CD8A: variants seen among roughly 807,000 people sequenced by gnomAD.
The protein encoded by CD8A is T-cell surface glycoprotein CD8 alpha chain.
CD8A carries 25 observed loss-of-function variants against 24.2 expected under a neutral mutation model. The observed-to-expected ratio is 1.03, with a 90% CI of 0.75 to 1.44. CD8A has a LOEUF of 1.44. CD8A is among the 40% of genes most tolerant of loss of function. The probability of loss-of-function intolerance (pLI) is 0.00; values close to 1 mark genes in which losing one functional copy is unlikely to be tolerated. For missense variants in CD8A, 360 were observed against 319.7 expected, an observed-to-expected ratio of 1.13 and a Z score of -0.96; for synonymous variants, 165 against 149.9, an observed-to-expected ratio of 1.10 and a Z score of -0.74.
chr2:86,790,321 C>A lies in CD8A; in HGVS notation c.403+7G>T, dbSNP rs1673222471. 6.2e-7 allele frequency: 1 copy of A among 1,608,254 alleles called. No homozygotes were observed. Among genetic ancestry groups the A allele is most frequent in the Non-Finnish European group, 8.5e-7 (1 of 1,175,016 alleles). On this transcript the variant is annotated splice_region_variant and intron_variant, in intron 2 of 5. Transcript: ENST00000283635. The stretch of plus-strand genomic sequence containing the variant: ...CGCGGAGAGGTGCCGCAACCCGGCG[C>A]GCGGACCTGGCAGGAAGACCGGCAC...
upstream of CD8A, chr2:86,791,284 CTTT>C: frequency 5.5e-6 from 2 of 364,008 alleles, no homozygotes; most frequent in Non-Finnish European, 1.1e-5. Flanking sequence ...CACCTTGGGA[CTTT>C]TTATTGGCAA....
chr2:86,803,375 T>C lies in CD8A; in HGVS notation c.-417-1718A>G, dbSNP rs374738148. On this transcript the variant is annotated intron_variant, in intron 2 of 8. Transcript: ENST00000409511. Reference sequence around the variant, plus strand: ...GATATGGAGACAACCTAGACAACCATCAATGGACGAATGGTTTAAGAAATT... The same window carrying C: ...GATATGGAGACAACCTAGACAACCACCAATGGACGAATGGTTTAAGAAATT... Among the ~76,000 whole-genome samples, 15 of 152,210 alleles carry C rather than the reference T, an allele frequency of 9.9e-5. No homozygotes were observed. The East Asian group carries it at 2.9e-3, about 29-fold the overall frequency.
Position 86,790,497 on chromosome 2 carries a change from G to A in CD8A, c.234C>T (p.Pro78=), listed in dbSNP as rs1673237160. The change falls in exon 2 of 6, where the codon CCC becomes CCT. Residue 78 remains proline (P), a synonymous_variant. Coordinates refer to ENST00000283635, the MANE Select transcript of CD8A (RefSeq NM_001768.7). ...GGGTGTCCAGCCCCTCGGCCGCCTT[G>A]GGCTTGTTTTGGGAGAGGTATAGGA... ...TFLLYLSQNK[P]KAAEGLDTQR... 3 of 1,614,146 alleles carry A rather than the reference G, an allele frequency of 1.9e-6. No homozygotes were observed. The highest frequency in any genetic ancestry group is 2.5e-6 in the Non-Finnish European group (3 of 1,180,028).
chr2:86,806,090 G>A (rs1019368339), intron 2 of CD8A, among the ~76,000 whole-genome samples: 2 of 152,196 alleles, frequency 1.3e-5, no homozygotes, highest in Non-Finnish European at 2.9e-5. Flanking sequence ...ATTCTTTTGA[G>A]TGCTGGCCTG....
upstream of CD8A, among the ~76,000 whole-genome samples, chr2:86,792,051 T>TA (rs36226882): frequency 6.6e-6 from 1 of 152,162 alleles, no homozygotes; most frequent in East Asian, 1.9e-4. Context: ...TAAAATAAAA[T>TA]AAAAAAGACT....
chr2:86,786,421 A>C lies in CD8A; in HGVS notation c.657-450T>G, dbSNP rs545418423. ...TCACCACCATCAGCCAAATGATGTT[A>C]CGCTAAAAACGTGTTAATTCAGCAC... On this transcript the variant is annotated intron_variant, in intron 5 of 5. Transcript: ENST00000283635. 2.0e-5 allele frequency among the ~76,000 whole-genome samples: 3 copies of C among 152,342 alleles called. No homozygotes were observed. In the East Asian group the frequency reaches 5.8e-4, roughly 29 times the overall value.
intron 2 of CD8A, among the ~76,000 whole-genome samples, chr2:86,801,862 G>A (rs1241744596): frequency 6.6e-6 from 1 of 151,752 alleles, no homozygotes; most frequent in Non-Finnish European, 1.5e-5. Context: ...TTAATTAATT[G>A]GACCACAAAA....
At chr2:86,791,733 C>A (rs981324873), upstream of CD8A, 43 of 442,404 alleles carry the variant, frequency 9.7e-5, no homozygotes, top group African/African-American at 7.6e-4. Context: ...CCAGCCTCCG[C>A]ACAGCCCCCT....
chr2:86,786,674 G>C (rs1345100145), intron 5 of CD8A, among the ~76,000 whole-genome samples: 1 of 152,076 alleles, frequency 6.6e-6, no homozygotes, highest in Non-Finnish European at 1.5e-5. Context: ...AAAAGATCGA[G>C]AAAAGGGATG....
chr2:86,801,442 C>T (rs1673670436), intron 3 of CD8A: 1 of 152,762 alleles, frequency 6.5e-6, no homozygotes, highest in Non-Finnish European at 1.5e-5. Flanking sequence ...GCCTCAACCT[C>T]CTGGGCTCAA....
intron 3 of CD8A, among the ~76,000 whole-genome samples, chr2:86,798,181 T>C (rs1320430954): frequency 2.0e-5 from 3 of 149,856 alleles, no homozygotes; most frequent in African/African-American, 7.5e-5. Context: ...TTTCTTTCTT[T>C]TTTTTTTTTT....
At chr2:86,789,044 A>T (rs1350875821) in intron 4 of CD8A, among the ~76,000 whole-genome samples, 1 of 152,072 alleles carries the variant, frequency 6.6e-6, no homozygotes, top group African/African-American at 2.4e-5. Context: ...GTGTCCAGAC[A>T]TGTGCGCGCG....
intron 3 of CD8A, among the ~76,000 whole-genome samples, chr2:86,796,060 G>A (rs1673473474): frequency 6.6e-6 from 1 of 152,170 alleles, no homozygotes; most frequent in Admixed American, 6.5e-5. Context: ...GATAAATACT[G>A]AGCATACTGG....
In CD8A at chr2:86,788,565, A is replaced by G. The variant is rs1444387620; in HGVS notation, c.626-5T>C. The G allele has an allele frequency of 1.5e-5, 24 of 1,612,778 alleles. No individual in the cohort carries two copies. In the Middle Eastern group the frequency reaches 4.9e-4, roughly 33 times the overall value. On this transcript the variant is annotated splice_region_variant and splice_polypyrimidine_tract_variant and intron_variant, in intron 4 of 5. Transcript: ENST00000283635. ...TGCAAACACGTCTTCGGTTCCCTGG[A>G]TAAGGAAAAAGAAGGGAAAAAGTGA... is the stretch of plus-strand genomic sequence containing the variant.
At position 86,785,926 on chromosome 2, in the gene CD8A, G is replaced by A. The variant is rs1672980964; in HGVS notation, c.702C>T (p.Tyr234=). The A allele has an allele frequency of 6.2e-7, 1 of 1,611,504 alleles. No homozygotes were observed. The highest frequency in any genetic ancestry group is 1.3e-5 in the African/African-American group (1 of 74,850). Residue 234 remains tyrosine, a synonymous_variant, in exon 6 of 6, where the codon TAC becomes TAT. Transcript: ENST00000283635. ...SGDKPSLSAR[Y]V Reference sequence around the variant, plus strand: ...TAGTGGCTGTTGCACAGGGTTAGACGTATCTCGCCGAAAGGCTGGGCTTGT... The same window carrying A: ...TAGTGGCTGTTGCACAGGGTTAGACATATCTCGCCGAAAGGCTGGGCTTGT...
chr2:86,793,553 G>C (rs1260761462), upstream of CD8A, among the ~76,000 whole-genome samples: 1 of 152,260 alleles, frequency 6.6e-6, no homozygotes, highest in African/African-American at 2.4e-5. Context: ...TCTTGCTGTA[G>C]ATGGTAGTTT....
chr2:86,788,245 GTTTTT>G (rs10663115), intron 5 of CD8A, among the ~76,000 whole-genome samples: 8 of 127,096 alleles, frequency 6.3e-5, no homozygotes, highest in African/African-American at 1.2e-4. Flanking sequence ...AATCCCTCAG[GTTTTT>G]TTTTTTTTTT....
intron 2 of CD8A, among the ~76,000 whole-genome samples, chr2:86,804,810 T>TC (rs1325077121): frequency 6.9e-6 from 1 of 144,078 alleles, no homozygotes; most frequent in African/African-American, 2.6e-5. Flanking sequence ...TTTTTTTTTT[T>TC]TTTTTTTTTT....
upstream of CD8A, chr2:86,791,278 T>C (rs1673299217): frequency 2.7e-6 from 1 of 365,344 alleles, no homozygotes; most frequent in Non-Finnish European, 5.3e-6. Flanking sequence ...TACTGTCACC[T>C]TGGGACTTTT....
Sources: gnomAD v4.1 joint callset for allele counts (sites outside exome capture counted in the v4.1 genomes callset) on GRCh38, gnomAD v4.1.1 for gene constraint, MANE v1.5 for transcripts, NCBI Gene and HGNC (gene_info 2026-07-23, HGNC 2026-07-21) for gene names.